The following NGRN variants were observed in gnomAD, a reference collection of about 807,000 sequenced individuals.
NGRN encodes the protein neugrin.
Under a neutral mutation model 13.1 loss-of-function variants are expected in NGRN, and 12 were observed. The ratio of observed to expected loss-of-function variants is 0.92; its 90% confidence interval spans 0.59 to 1.49. NGRN has a LOEUF of 1.49. Among genes scored for constraint, NGRN ranks in the 40% most tolerant of loss-of-function variants. NGRN has a pLI of 0.00. For synonymous variants in NGRN, 149 were observed against 145.8 expected (o/e 1.02, Z -0.16); for missense variants, 397 against 357.0 (o/e 1.11, Z -0.90).
chr15:90,265,943 C>G, intron 1 of NGRN, 67 bp downstream of exon 1: 10 of 1,431,314 alleles, frequency 7.0e-6, no homozygotes, highest in Non-Finnish European at 9.1e-6. Flanking sequence ...CAGGCCGCGC[C>G]CCCTTGGCGC....
chr15:90,269,181 T>A (rs996095634), intron 2 of NGRN, among the ~76,000 whole-genome samples: 7 of 133,994 alleles, frequency 5.2e-5, no homozygotes, highest in Non-Finnish European at 9.6e-5. Context: ...TTTTTTTTTT[T>A]TTTTTTGGAT....
Position 90,266,386 on chromosome 15 carries a change from T to G in NGRN, c.263T>G (p.Met88Arg). ...CCCAGGACCCTGACGTGGGAAGCCA[T>G]GGAGCAGATACGGTGAGACTCAGGA... ...APPRTLTWEA[M>R]EQIRYLHEEF... The change falls in exon 2 of 3, where the codon ATG (methionine) becomes AGG (arginine). Residue 88 changes from methionine (M) to arginine (R), a missense_variant. Coordinates refer to ENST00000379095, the MANE Select transcript of NGRN (RefSeq NM_001033088.3). 1 of 1,613,374 alleles carries G rather than the reference T, an allele frequency of 6.2e-7. No homozygotes were observed. The highest frequency in any genetic ancestry group is 8.5e-7 in the Non-Finnish European group (1 of 1,179,672).
chr15:90,267,957 A>G (rs1213131691), intron 2 of NGRN, among the ~76,000 whole-genome samples: 2 of 152,190 alleles, frequency 1.3e-5, no homozygotes, highest in Non-Finnish European at 2.9e-5. Context: ...GTGAGCCTGT[A>G]GCACCTTCTG....
At chr15:90,270,190 A>T (rs1412605527) in intron 2 of NGRN, among the ~76,000 whole-genome samples, 1 of 152,078 alleles carries the variant, frequency 6.6e-6, no homozygotes. Flanking sequence ...GCCAGGCTGT[A>T]GGTTGAACTT....
chr15:90,271,443 G>A lies in NGRN; in HGVS notation c.531G>A (p.Gly177=), dbSNP rs745952128. 8.1e-6 allele frequency: 13 copies of A among 1,614,020 alleles called. No individual in the cohort carries two copies. The highest frequency in any genetic ancestry group is 1.7e-4 in the Middle Eastern group (1 of 6,058). ...HSVSGSLLMP[G]HEASSKDPNH... is the part of the protein sequence containing the mutation. ...TATCAGGCTCTTTGCTTATGCCAGGGCATGAAGCCTCATCTAAAGACCCAA... is the reference window on the plus strand; with the variant it reads ...TATCAGGCTCTTTGCTTATGCCAGGACATGAAGCCTCATCTAAAGACCCAA... Residue 177 remains glycine, a synonymous_variant, in exon 3 of 3, where the codon GGG becomes GGA. Coordinates refer to ENST00000379095, the MANE Select transcript of NGRN (RefSeq NM_001033088.3).
Position 90,271,887 on chromosome 15 carries a change from TGGAATA to T in NGRN, c.*104_*109del, listed in dbSNP as rs1274429435. On this transcript the variant is annotated 3_prime_UTR_variant, in exon 3 of 3. Coordinates refer to ENST00000379095, the MANE Select transcript of NGRN (RefSeq NM_001033088.3). ...ATTTCTGCATATGGATAAGCCACCT[TGGAATA>T]GGAAGAGGTGTTGAGCCTGGACTGT... 3 of 1,494,500 alleles carry T rather than the reference TGGAATA, an allele frequency of 2.0e-6. No homozygotes were observed. Among genetic ancestry groups the T allele is most frequent in the East Asian group, 4.5e-5 (2 of 44,124 alleles). 92.6% of individuals were successfully genotyped at this position (1,494,500 alleles called of 1,614,324 possible).
chr15:90,271,571 G>T lies in NGRN; in HGVS notation c.659G>T (p.Ser220Ile). 1 of 1,614,190 alleles carries T rather than the reference G, an allele frequency of 6.2e-7. No individual in the cohort carries two copies. The highest frequency in any genetic ancestry group is 1.3e-5 in the African/African-American group (1 of 75,050). Residue 220 changes from serine (S) to isoleucine (I), a missense_variant, in exon 3 of 3, where the codon AGC (serine) becomes ATC (isoleucine). Coordinates refer to ENST00000379095, the MANE Select transcript of NGRN (RefSeq NM_001033088.3). ...RNKEIQDLEE[S>I]FVPVAAPLGH... ...AAAGAAATCCAGGACCTGGAGGAGA[G>T]CTTTGTGCCTGTTGCTGCACCCCTA...
At chr15:90,269,189 G>GTTT (rs1567083100) in intron 2 of NGRN, among the ~76,000 whole-genome samples, 7 of 122,754 alleles carry the variant, frequency 5.7e-5, no homozygotes, top group South Asian at 2.5e-4. Flanking sequence ...TTTTTTTTTG[G>GTTT]ATTTTTAGTA....
chr15:90,269,700 A>G lies in NGRN; in HGVS notation c.276-1488A>G, dbSNP rs546526720. ...GTTTTTTTTCCTGAAATCTAAAGGC[A>G]TATATTCAACTGTGTACCAGACATC... On this transcript the variant is annotated intron_variant, in intron 2 of 2. Transcript: ENST00000379095. 9.2e-5 allele frequency among the ~76,000 whole-genome samples: 14 copies of G among 152,234 alleles called. No homozygotes were observed. In the South Asian group the frequency reaches 2.7e-3, roughly 29 times the overall value.
chr15:90,271,502 A>G lies in NGRN; in HGVS notation c.590A>G (p.Asp197Gly). Reference protein sequence around the residue: ...HSTALKVIESDTHRTNTPRRR... With the variant: ...HSTALKVIESGTHRTNTPRRR... ...ACAGCTTTGAAAGTGATAGAGTCAG[A>G]CACTCACAGGACAAATACACCAAGG... Residue 197 changes from aspartate to glycine, a missense_variant, in exon 3 of 3, where the codon GAC (aspartate) becomes GGC (glycine). Asp to Gly is a moderately conservative substitution (Grantham distance 94). Coordinates refer to ENST00000379095, the MANE Select transcript of NGRN (RefSeq NM_001033088.3). 1 of 1,614,124 alleles carries G rather than the reference A, an allele frequency of 6.2e-7. No homozygotes were observed. The highest frequency in any genetic ancestry group is 8.5e-7 in the Non-Finnish European group (1 of 1,180,034).
chr15:90,271,685 TGGA>T lies in NGRN; in HGVS notation c.778_780del (p.Glu260del). On this transcript the variant is annotated inframe_deletion, in exon 3 of 3. Transcript: ENST00000379095. ...GGTGCGTTGCCAAGTGGTCAGAAGCTGGAGGAGTTGAAGGCAGAGGAGCCAGAT... is the reference window on the plus strand; with the variant it reads ...GGTGCGTTGCCAAGTGGTCAGAAGCTGGAGTTGAAGGCAGAGGAGCCAGAT... The T allele has an allele frequency of 6.2e-7, 1 of 1,614,160 alleles. No individual in the cohort carries two copies. The highest frequency in any genetic ancestry group is 1.3e-5 in the African/African-American group (1 of 75,052).
chr15:90,268,992 CTTTTT>C (rs71461858), intron 2 of NGRN, among the ~76,000 whole-genome samples: 1 of 45,690 alleles, frequency 2.2e-5, no homozygotes, highest in Admixed American at 3.8e-4. Context: ...CTGATTCTCT[CTTTTT>C]TTTTTTTTTT....
chr15:90,271,948 A>G lies in NGRN; in HGVS notation c.*160A>G, dbSNP rs1225508178. ...GGAAAGAGCTGCGTGGATAGATTCA[A>G]ACTTCCTGTGGTAGTGCTCCCAGTC... On this transcript the variant is annotated 3_prime_UTR_variant, in exon 3 of 3. Transcript: ENST00000379095. The G allele has an allele frequency of 2.1e-6, 2 of 947,602 alleles. No homozygotes were observed. The highest frequency in any genetic ancestry group is 1.7e-5 in the South Asian group (1 of 57,942). The allele number at this position is 947,602 out of a possible 1,614,324, so 58.7% of individuals were successfully genotyped here.
At position 90,271,650 on chromosome 15, in the gene NGRN, A is replaced by G; in HGVS notation, c.738A>G (p.Gly246=). 1 of 1,614,206 alleles carries G rather than the reference A, an allele frequency of 6.2e-7. No individual in the cohort carries two copies. Among genetic ancestry groups the G allele is most frequent in the South Asian group, 1.1e-5 (1 of 91,088 alleles). ...CCAGTGATTCTGAGAGCCCCAGAGG[A>G]ACTGGCAGTGGTGCGTTGCCAAGTG... ...KYSSDSESPR[G]TGSGALPSGQ... Residue 246 remains glycine, a synonymous_variant, in exon 3 of 3, where the codon GGA becomes GGG. Coordinates refer to ENST00000379095, the MANE Select transcript of NGRN (RefSeq NM_001033088.3).
Position 90,271,311 on chromosome 15 carries a change from G to C in NGRN, c.399G>C (p.Lys133Asn). The change falls in exon 3 of 3, where the codon AAG (lysine) becomes AAC (asparagine). Residue 133 changes from lysine (K) to asparagine (N), a missense_variant. By Grantham distance (94) the Lys-to-Asn change is moderately conservative. Transcript: ENST00000379095. ...KSKFLPTLEQKLKQDQKVLKK... is the reference protein window; with the variant it reads ...KSKFLPTLEQNLKQDQKVLKK... ...AGTTTTTACCCACATTGGAGCAGAA[G>C]CTGAAGCAGGATCAAAAAGTCCTTA... The C allele has an allele frequency of 6.2e-7, 1 of 1,614,140 alleles. No homozygotes were observed. The highest frequency in any genetic ancestry group is 8.5e-7 in the Non-Finnish European group (1 of 1,180,046).
intron 1 of NGRN, 64 bp downstream of exon 1, chr15:90,265,940 C>T (rs1963409477): frequency 3.5e-6 from 5 of 1,432,100 alleles, no homozygotes; most frequent in Non-Finnish European, 4.6e-6. Flanking sequence ...CTCCAGGCCG[C>T]GCCCCCTTGG....
intron 2 of NGRN, among the ~76,000 whole-genome samples, chr15:90,270,208 A>G (rs771210081): frequency 3.2e-4 from 48 of 152,112 alleles, no homozygotes; most frequent in Non-Finnish European, 6.3e-4. Flanking sequence ...CTTCAAAATG[A>G]AAATTTATCT....
rs148169177 is a variant in NGRN, at chr15:90,271,560, C to G, written c.648C>G (p.Asp216Glu). ...AGGGAAGAAATAAAGAAATCCAGGA[C>G]CTGGAGGAGAGCTTTGTGCCTGTTG... ...RRKGRNKEIQ[D>E]LEESFVPVAA... The change falls in exon 3 of 3, where the codon GAC becomes GAG. Residue 216 changes from aspartate (D) to glutamate (E), a missense_variant. By Grantham distance (45) the Asp-to-Glu change is conservative. Transcript: ENST00000379095. 6.2e-7 allele frequency: 1 copy of G among 1,614,070 alleles called. No homozygotes were observed.
chr15:90,267,784 C>T (rs576937635), intron 2 of NGRN, among the ~76,000 whole-genome samples: 47 of 152,158 alleles, frequency 3.1e-4, no homozygotes, highest in Non-Finnish European at 6.2e-4. Context: ...TATATACATT[C>T]CCAGAAGTAA....
Sources: allele counts gnomAD v4.1 joint callset (sites outside exome capture counted in the v4.1 genomes callset), GRCh38; gene constraint gnomAD v4.1.1; transcripts MANE v1.5; gene names NCBI Gene and HGNC (gene_info 2026-07-23, HGNC 2026-07-21).